PCCB: variants seen among roughly 807,000 people sequenced by gnomAD.
PCCB encodes the protein propionyl-CoA carboxylase subunit beta.
In PCCB, 43 loss-of-function variants were observed where a neutral mutation model predicts 60.7. The ratio of observed to expected loss-of-function variants is 0.71; its 90% CI spans 0.55 to 0.91. The LOEUF (loss-of-function observed/expected upper bound fraction) is 0.91, where lower values mean the gene tolerates loss of function less well. PCCB is among the 40% of genes least tolerant of loss of function. The probability of loss-of-function intolerance (pLI) is 0.00; values close to 1 mark genes in which losing one functional copy is unlikely to be tolerated. For missense variants in PCCB, 766 were observed against 702.8 expected (o/e 1.09, Z -1.02); for synonymous variants, 276 against 255.9 (o/e 1.08, Z -0.75).
At chr3:136,293,898 A>G in intron 7 of PCCB, 34 bp downstream of exon 7, 1 of 1,243,538 alleles carries the variant, frequency 8.0e-7, no homozygotes, top group East Asian at 2.3e-5. Context: ...TGTTGTTTTC[A>G]AACATTGAGA....
chr3:136,327,668 A>G lies in PCCB; in HGVS notation c.1334A>G (p.Lys445Arg). 1 of 1,614,016 alleles carries G rather than the reference A, an allele frequency of 6.2e-7. No homozygotes were observed. Among genetic ancestry groups the G allele is most frequent in the Non-Finnish European group, 8.5e-7 (1 of 1,179,932 alleles). The change falls in exon 13 of 15, where the codon AAG becomes AGG. Residue 445 changes from lysine to arginine, a missense_variant. Physicochemically the swap from Lys to Arg is conservative, Grantham distance 26 (BLOSUM62 2). Transcript: ENST00000251654. ...GGTGCCTATGATGTCATGAGCTCTA[A>G]GCACCTTTGTGGTGATACCAACTAT... ...YGGAYDVMSS[K>R]HLCGDTNYAW... is the part of the protein sequence containing the mutation.
intron 10 of PCCB, among the ~76,000 whole-genome samples, chr3:136,318,163 C>A (rs1434952126): frequency 6.6e-6 from 1 of 152,094 alleles, no homozygotes; most frequent in Non-Finnish European, 1.5e-5. Flanking sequence ...ATGGTGAAAC[C>A]CTGTCTCTAC....
intron 5 of PCCB, among the ~76,000 whole-genome samples, chr3:136,269,846 ACTGCACTC>A (rs1351935540): frequency 6.9e-6 from 1 of 145,940 alleles, no homozygotes; most frequent in Non-Finnish European, 1.5e-5. Context: ...AGATCGTGCT[ACTGCACTC>A]CAGCCTGGGT....
At chr3:136,324,528 A>G (rs1178337148) in intron 10 of PCCB, among the ~76,000 whole-genome samples, 1 of 151,886 alleles carries the variant, frequency 6.6e-6, no homozygotes. Context: ...CTAGGCATAC[A>G]TGTGTCTTTC....
At chr3:136,325,490 G>C (rs2108236166) in intron 10 of PCCB, among the ~76,000 whole-genome samples, 1 of 151,972 alleles carries the variant, frequency 6.6e-6, no homozygotes, top group East Asian at 1.9e-4. Flanking sequence ...CTGAGTAGCT[G>C]GGAGTACAGG....
Position 136,298,018 on chromosome 3 carries a change from A to G in PCCB, c.830A>G (p.Tyr277Cys). The G allele has an allele frequency of 6.2e-7, 1 of 1,614,158 alleles. No individual in the cohort carries two copies. The highest frequency in any genetic ancestry group is 8.5e-7 in the Non-Finnish European group (1 of 1,179,980). Residue 277 changes from tyrosine (Y) to cysteine (C), a missense_variant, in exon 8 of 15, where the codon TAC (tyrosine) becomes TGC (cysteine). By Grantham distance (194) the Tyr-to-Cys change is radical. Coordinates refer to ENST00000251654, the MANE Select transcript of PCCB (RefSeq NM_000532.5). ...ALCNLRDFFN[Y>C]LPLSSQDPAP... The stretch of plus-strand genomic sequence containing the variant: ...TGTAATCTCCGGGATTTCTTCAACT[A>G]CCTGCCCCTGAGCAGTCAGGACCCG...
In PCCB at chr3:136,327,343, T is replaced by G. The variant is rs955002761; in HGVS notation, c.1299+88T>G. 27 of 967,132 alleles carry G rather than the reference T, an allele frequency of 2.8e-5. No homozygotes were observed. In the African/African-American group the frequency reaches 4.0e-4, roughly 14 times the overall value. 59.9% of individuals were successfully genotyped at this position (967,132 alleles called of 1,614,324 possible). On this transcript the variant is annotated intron_variant, in intron 12 of 14. Transcript: ENST00000251654. ...AGGTCTGGCAGAGTTTTACCAGGGC[T>G]GGAAGGAGTACACCTTGCTCATCCT...
intron 5 of PCCB, among the ~76,000 whole-genome samples, chr3:136,272,039 A>G (rs12695645): frequency 9.9e-5 from 15 of 152,022 alleles, no homozygotes; most frequent in Admixed American, 5.9e-4. Flanking sequence ...TATCCCTCCT[A>G]TGCCTAGTTT....
At chr3:136,265,815 T>C (rs1941967198) in intron 5 of PCCB, among the ~76,000 whole-genome samples, 1 of 151,648 alleles carries the variant, frequency 6.6e-6, no homozygotes, top group African/African-American at 2.4e-5. Context: ...TACTTGGTAT[T>C]GTCAGTCTTT....
chr3:136,318,749 T>C (rs1576354381), intron 10 of PCCB, among the ~76,000 whole-genome samples: 1 of 152,112 alleles, frequency 6.6e-6, no homozygotes, highest in Non-Finnish European at 1.5e-5. Flanking sequence ...AGAACTTCAT[T>C]TATTTTTATG....
At position 136,315,801 on chromosome 3, in the gene PCCB, C is replaced by T. The variant is rs570319278; in HGVS notation, c.967-1140C>T. On this transcript the variant is annotated intron_variant, in intron 9 of 14. Transcript: ENST00000251654. ...TGTGATCATGCTTCTGCACTCCAGC[C>T]TGGGTCACAGAGCAAGACCTGTCTC... Among the ~76,000 whole-genome samples the T allele has an allele frequency of 8.7e-4, 132 of 151,692 alleles. 1 individual carries two copies. Among genetic ancestry groups the T allele is most frequent in the African/African-American group, 3.0e-3 (124 of 41,304 alleles).
chr3:136,300,957 T>G lies in PCCB; in HGVS notation c.885-73T>G, dbSNP rs547264742. 187 of 1,127,504 alleles carry G rather than the reference T, an allele frequency of 1.7e-4. 1 individual carries two copies. The South Asian group carries it at 2.2e-3, about 13-fold the overall frequency. The allele number at this position is 1,127,504 out of a possible 1,614,324, so 69.8% of individuals were successfully genotyped here. ...CCTATGACGTGTCACCCCATTTCCT[T>G]TCCCACCCCATTCCCACAAAAGGTA... On this transcript the variant is annotated intron_variant, in intron 8 of 14. Coordinates refer to ENST00000251654, the MANE Select transcript of PCCB (RefSeq NM_000532.5).
At chr3:136,293,688 A>G in intron 6 of PCCB, 68 bp from the exon 7 acceptor site, 1 of 965,602 alleles carries the variant, frequency 1.0e-6, no homozygotes, top group Non-Finnish European at 1.7e-6. Flanking sequence ...TCTTGGCTGA[A>G]TCAACTCTAA....
chr3:136,259,847 G>T (rs1941773683), intron 3 of PCCB, among the ~76,000 whole-genome samples: 1 of 152,082 alleles, frequency 6.6e-6, no homozygotes, highest in African/African-American at 2.4e-5. Flanking sequence ...CCGCCTCTTG[G>T]ATTCAAGTGA....
intron 10 of PCCB, among the ~76,000 whole-genome samples, chr3:136,318,352 T>C (rs1286316949): frequency 1.3e-5 from 2 of 152,086 alleles, no homozygotes; most frequent in East Asian, 1.9e-4. Flanking sequence ...ATCACGCCAC[T>C]GCATGACAGA....
chr3:136,268,104 A>ATATG (rs1553775765), intron 5 of PCCB, among the ~76,000 whole-genome samples: 2 of 124,504 alleles, frequency 1.6e-5, no homozygotes, highest in African/African-American at 6.7e-5. Context: ...ATATATATAT[A>ATATG]TATATATATA....
At chr3:136,265,564 G>C (rs1941962510) in intron 5 of PCCB, among the ~76,000 whole-genome samples, 1 of 152,124 alleles carries the variant, frequency 6.6e-6, no homozygotes, top group South Asian at 2.1e-4. Context: ...TATTTGGATT[G>C]TTTCTGGTTC....
At chr3:136,271,776 T>C (rs994701076) in intron 5 of PCCB, among the ~76,000 whole-genome samples, 7 of 152,220 alleles carry the variant, frequency 4.6e-5, no homozygotes, top group Non-Finnish European at 8.8e-5. Flanking sequence ...GCTAGAGTTT[T>C]CCAAGTATAT....
intron 8 of PCCB, among the ~76,000 whole-genome samples, chr3:136,299,476 A>G (rs575147065): frequency 6.6e-6 from 1 of 150,760 alleles, no homozygotes; most frequent in African/African-American, 2.5e-5. Flanking sequence ...ATAGGTATGC[A>G]TGTGTATGTA....
Sources: allele counts gnomAD v4.1 joint callset (sites outside exome capture counted in the v4.1 genomes callset), GRCh38; gene constraint gnomAD v4.1.1; transcripts MANE v1.5; gene names NCBI Gene and HGNC (gene_info 2026-07-23, HGNC 2026-07-21).